The following VPS13C variants were observed in gnomAD, a reference collection of about 807,000 sequenced individuals.
VPS13C encodes intermembrane lipid transfer protein VPS13C.
A neutral mutation model predicts 456.8 loss-of-function variants in VPS13C; 358 were observed. The observed-to-expected ratio is 0.78, with a 90% CI of 0.72 to 0.86. The LOEUF (loss-of-function observed/expected upper bound fraction) is 0.86. Among genes scored for constraint, VPS13C ranks in the 40% least tolerant of loss-of-function variants. VPS13C has a pLI of 0.00. For missense variants in VPS13C, 4,818 were observed against 4,385.4 expected (o/e 1.10, Z -2.79); for synonymous variants, 1,578 against 1,486.7 (o/e 1.06, Z -1.41).
At chr15:62,055,840 A>T (rs1034489312) in intron 1 of VPS13C, among the ~76,000 whole-genome samples, 17 of 152,176 alleles carry the variant, frequency 1.1e-4, no homozygotes, top group Non-Finnish European at 2.1e-4. Flanking sequence ...AATGCAGAAG[A>T]CAATCTCAGT....
chr15:61,945,903 G>T, intron 44 of VPS13C, 21 bp from the exon 45 acceptor site: 1 of 1,579,370 alleles, frequency 6.3e-7, no homozygotes, highest in Non-Finnish European at 8.5e-7. Flanking sequence ...TAGATTAACT[G>T]GTTATTATAT....
In VPS13C at chr15:61,858,373, T is replaced by TCTCC. The variant is rs1473620645; in HGVS notation, c.10953-1968_10953-1965dup. On this transcript the variant is annotated intron_variant, in intron 82 of 84. Transcript: ENST00000644861. This position sits in a 1 kb window ranked among gnomAD's most constrained non-coding sequence, Gnocchi z 4.4. ...ATCTATCTATCTATCTGTCTATCTA[T>TCTCC]CTCCCTCCCTCCCTATCATGTATTC... 2.0e-5 allele frequency among the ~76,000 whole-genome samples: 3 copies of TCTCC among 151,296 alleles called. No individual in the cohort carries two copies. The highest frequency in any genetic ancestry group is 4.9e-5 in the African/African-American group (2 of 41,162).
At position 61,881,773 on chromosome 15, in the gene VPS13C, G is replaced by C. The variant is rs1277465737; in HGVS notation, c.9680C>G (p.Pro3227Arg). The change falls in exon 70 of 85, where the codon CCT becomes CGT. Residue 3227 changes from proline to arginine, a missense_variant. Around this residue, in one of 3 missense-constraint regions of VPS13C, gnomAD observed 4,552 missense variants for 4,130.6 expected, o/e 1.10. Coordinates refer to ENST00000644861, the MANE Select transcript of VPS13C (RefSeq NM_020821.3). ...MFPVVFHPVA[P>R]PKSIALDSEP... is the part of the protein sequence containing the mutation. Reference sequence around the variant, plus strand: ...TGAATCTAAAGCAATAGATTTTGGAGGGGCAACAGGATGAAATACAACAGG... The same window carrying C: ...TGAATCTAAAGCAATAGATTTTGGACGGGCAACAGGATGAAATACAACAGG... 1 of 1,608,790 alleles carries C rather than the reference G, an allele frequency of 6.2e-7. No individual in the cohort carries two copies. The highest frequency in any genetic ancestry group is 8.5e-7 in the Non-Finnish European group (1 of 1,178,614).
At chr15:62,044,906 A>C (rs1488438595) in intron 1 of VPS13C, among the ~76,000 whole-genome samples, 3 of 152,186 alleles carry the variant, frequency 2.0e-5, no homozygotes, top group Admixed American at 1.3e-4. Context: ...CATTTCACTT[A>C]AATTATGTTA....
chr15:61,940,181 C>A (rs2042608), intron 47 of VPS13C, among the ~76,000 whole-genome samples: 72,957 of 151,718 alleles, frequency 0.48, 17,714 homozygotes, highest in Admixed American at 0.56. Flanking sequence ...AAAACGGGCC[C>A]TCTACACATT....
At chr15:61,994,347 T>C (rs981760850) in intron 16 of VPS13C, among the ~76,000 whole-genome samples, 3 of 152,226 alleles carry the variant, frequency 2.0e-5, no homozygotes, top group Admixed American at 1.3e-4. Flanking sequence ...ATTGTTATCC[T>C]CCGGTGATTC....
chr15:61,957,179 G>A (rs2045031657), intron 37 of VPS13C, among the ~76,000 whole-genome samples: 1 of 151,988 alleles, frequency 6.6e-6, no homozygotes, highest in Non-Finnish European at 1.5e-5. Flanking sequence ...ACAAAATGAA[G>A]AATAAAAGAA....
chr15:61,907,391 C>G lies in VPS13C; in HGVS notation c.8979-1G>C. On this transcript the variant is annotated splice_acceptor_variant, in intron 65 of 84. Coordinates refer to ENST00000644861, the MANE Select transcript of VPS13C (RefSeq NM_020821.3). LOFTEE classifies it high-confidence loss of function. ...CAAGACCATTTCTTCTGGTGACCCA[C>G]TAAAACACAATGAACAGAGAGAAAA... 6.2e-7 allele frequency: 1 copy of G among 1,613,472 alleles called. No individual in the cohort carries two copies. The highest frequency in any genetic ancestry group is 8.5e-7 in the Non-Finnish European group (1 of 1,179,628).
chr15:61,937,975 C>G (rs1346987762), intron 47 of VPS13C, among the ~76,000 whole-genome samples: 1 of 152,142 alleles, frequency 6.6e-6, no homozygotes, highest in Non-Finnish European at 1.5e-5. Context: ...CATGCAAGCA[C>G]GCATGCATAG....
chr15:61,924,450 G>C (rs911580309), intron 53 of VPS13C, among the ~76,000 whole-genome samples: 8 of 152,084 alleles, frequency 5.3e-5, no homozygotes, highest in Admixed American at 2.0e-4. Flanking sequence ...GACAGCAGGG[G>C]CTACATATCC....
At chr15:62,017,546 C>A (rs1165927432) in intron 9 of VPS13C, among the ~76,000 whole-genome samples, 1 of 152,146 alleles carries the variant, frequency 6.6e-6, no homozygotes, top group Non-Finnish European at 1.5e-5. Flanking sequence ...ATAGGGAATC[C>A]TTTCCCCATT....
intron 61 of VPS13C, 149 bp from the exon 62 acceptor site, chr15:61,913,564 G>C (rs2043367805): frequency 9.9e-6 from 6 of 607,378 alleles, no homozygotes; most frequent in East Asian, 3.0e-5. Context: ...ACAGGTAACA[G>C]AACCACAAAA....
intron 11 of VPS13C, among the ~76,000 whole-genome samples, chr15:62,012,516 A>T (rs1198583553): frequency 1.3e-5 from 2 of 151,946 alleles, no homozygotes; most frequent in African/African-American, 4.8e-5. Flanking sequence ...GAAATCAGAG[A>T]TAGAAGATTG....
intron 11 of VPS13C, 44 bp downstream of exon 11, chr15:62,012,995 G>T: frequency 6.8e-7 from 1 of 1,470,482 alleles, no homozygotes; most frequent in South Asian, 1.2e-5. Context: ...ACAAATTTAG[G>T]GATGGGAGTG....
chr15:61,873,192 G>A, intron 78 of VPS13C, 54 bp downstream of exon 78: 5 of 1,607,304 alleles, frequency 3.1e-6, no homozygotes, highest in Non-Finnish European at 4.2e-6. Context: ...CAACCAGCTA[G>A]AATACACTTT....
chr15:62,004,191 T>A (rs2046743905), intron 15 of VPS13C, among the ~76,000 whole-genome samples: 1 of 151,642 alleles, frequency 6.6e-6, no homozygotes, highest in Non-Finnish European at 1.5e-5. Context: ...ATTGCCACAA[T>A]TTCAGATCCT....
chr15:61,963,843 T>C lies in VPS13C; in HGVS notation c.3323A>G (p.Lys1108Arg). 3 of 1,607,534 alleles carry C rather than the reference T, an allele frequency of 1.9e-6. No homozygotes were observed. The highest frequency in any genetic ancestry group is 2.5e-6 in the Non-Finnish European group (3 of 1,176,698). ...GCCGTGTGAACTTTTACCTTGAATC[T>C]TGATTTCGGCGATATTGTTCTTTTC... ...CNEKNNIAEI[K>R]IQGLDSSLSL... The change falls in exon 32 of 85, where the codon AAG becomes AGG. Residue 1108 changes from lysine to arginine, a missense_variant. Physicochemically the swap from Lys to Arg is conservative, Grantham distance 26. Transcript: ENST00000644861.
At position 61,917,590 on chromosome 15, in the gene VPS13C, G is replaced by T; in HGVS notation, c.7806C>A (p.Tyr2602Ter). 6.2e-7 allele frequency: 1 copy of T among 1,613,644 alleles called. No homozygotes were observed. Among genetic ancestry groups the T allele is most frequent in the Non-Finnish European group, 8.5e-7 (1 of 1,179,640 alleles). The change falls in exon 60 of 85, where the codon TAC becomes TAA. Residue 2602 changes from tyrosine (Y) to a stop codon, truncating the protein, a stop_gained. Coordinates refer to ENST00000644861, the MANE Select transcript of VPS13C (RefSeq NM_020821.3). LOFTEE classifies it high-confidence loss of function. ...AGGAAATATAAGTGGTAGATTCTTT[G>T]TACTGATGCTCTAAGATTCCAGCTG... ...IQPAGILEHQ[Y>*]KESTTYISWK...
At chr15:62,057,046 A>G (rs1378369436) in intron 1 of VPS13C, among the ~76,000 whole-genome samples, 1 of 152,076 alleles carries the variant, frequency 6.6e-6, no homozygotes, top group Admixed American at 6.6e-5. Flanking sequence ...CCCCGGGCCC[A>G]GCTGTCTTTT....
Sources: allele counts gnomAD v4.1 joint callset (sites outside exome capture counted in the v4.1 genomes callset), GRCh38; gene constraint gnomAD v4.1.1; regional missense constraint gnomAD v4.1.1; non-coding constraint Gnocchi (gnomAD v3.1); transcripts MANE v1.5; gene names NCBI Gene and HGNC (gene_info 2026-07-23, HGNC 2026-07-21).